The following PARD3B variants were observed in gnomAD, a reference collection of about 807,000 sequenced individuals.
The protein encoded by PARD3B is partitioning defective 3 homolog B.
A neutral mutation model predicts 130.2 loss-of-function variants in PARD3B; 103 were observed. The ratio of observed to expected loss-of-function variants is 0.79; its 90% confidence interval spans 0.67 to 0.93. The LOEUF (loss-of-function observed/expected upper bound fraction) is 0.93. Ranked by LOEUF, PARD3B falls within the 40% of genes least tolerant of loss-of-function variation. PARD3B has a pLI of 0.00. For missense variants in PARD3B, 1,609 were observed against 1,499.2 expected (o/e 1.07, Z -1.21); for synonymous variants, 583 against 553.2 (o/e 1.05, Z -0.76).
intron 3 of PARD3B, among the ~76,000 whole-genome samples, chr2:204,998,324 A>C (rs1239870838): frequency 3.0e-5 from 1 of 33,396 alleles, no homozygotes; most frequent in Non-Finnish European, 5.3e-5. Context: ...ATATATATAT[A>C]TATATATATA....
chr2:205,342,323 G>A (rs2043573710), intron 18 of PARD3B, among the ~76,000 whole-genome samples: 1 of 152,172 alleles, frequency 6.6e-6, no homozygotes, highest in African/African-American at 2.4e-5. Context: ...AGTTTATACA[G>A]AAGGAGAATG....
intron 3 of PARD3B, among the ~76,000 whole-genome samples, chr2:204,973,902 AT>A (rs1245801325): frequency 1.3e-5 from 2 of 152,156 alleles, no homozygotes. Context: ...AGCCATCTCT[AT>A]TTTGCTTACC....
chr2:205,193,436 G>A (rs1559528767), intron 15 of PARD3B, 116 bp downstream of exon 15: 1 of 739,886 alleles, frequency 1.4e-6, no homozygotes, highest in Non-Finnish European at 2.3e-6. Context: ...GTCTGCAGAA[G>A]CCTGGAGGAA....
At chr2:204,587,575 A>T (rs1411289668) in intron 1 of PARD3B, among the ~76,000 whole-genome samples, 1 of 152,228 alleles carries the variant, frequency 6.6e-6, no homozygotes, top group Non-Finnish European at 1.5e-5. Context: ...TACCTCACTG[A>T]TTCTAAATTC....
At chr2:204,803,221 A>T (rs1424422388) in intron 2 of PARD3B, among the ~76,000 whole-genome samples, 1 of 150,070 alleles carries the variant, frequency 6.7e-6, no homozygotes, top group Non-Finnish European at 1.5e-5. Context: ...TCCTTCAAAC[A>T]TGAAGGAGAA....
At position 205,102,892 on chromosome 2, in the gene PARD3B, A is replaced by G. The variant is rs371619342; in HGVS notation, c.505-1534A>G. Among the ~76,000 whole-genome samples, 630 of 151,884 alleles carry G rather than the reference A, an allele frequency of 4.1e-3. 1 individual carries two copies. Among genetic ancestry groups the G allele is most frequent in the South Asian group, 8.9e-3 (43 of 4,810 alleles). On this transcript the variant is annotated intron_variant, in intron 4 of 22. Transcript: ENST00000406610. The stretch of plus-strand genomic sequence containing the variant: ...ATCCTGGCTAACACGGTGAAGCCCC[A>G]TCTCTACTAAAAATACAAAAGCAAA...
At chr2:204,657,079 T>C (rs62177800) in intron 1 of PARD3B, among the ~76,000 whole-genome samples, 2,621 of 152,332 alleles carry the variant, frequency 0.017, 51 homozygotes, top group Middle Eastern at 0.034. Flanking sequence ...TGAAGAGTTC[T>C]AGGCCATACT....
intron 2 of PARD3B, among the ~76,000 whole-genome samples, chr2:204,798,282 C>T (rs2042444677): frequency 6.6e-6 from 1 of 152,134 alleles, no homozygotes; most frequent in Non-Finnish European, 1.5e-5. Context: ...CGTTGGAACT[C>T]AGTGCTGCCT....
intron 2 of PARD3B, among the ~76,000 whole-genome samples, chr2:204,916,390 G>GT (rs2047446583): frequency 6.6e-6 from 1 of 151,964 alleles, no homozygotes; most frequent in South Asian, 2.1e-4. Context: ...ATTTTGTGTT[G>GT]TATTAACAAA....
At chr2:204,644,657 A>G (rs1458145959) in intron 1 of PARD3B, among the ~76,000 whole-genome samples, 1 of 152,110 alleles carries the variant, frequency 6.6e-6, no homozygotes, top group Non-Finnish European at 1.5e-5. Context: ...ATAAAAGAAA[A>G]TGTGTGTGGG....
At chr2:205,390,634 A>G (rs2045824704) in intron 18 of PARD3B, among the ~76,000 whole-genome samples, 1 of 152,202 alleles carries the variant, frequency 6.6e-6, no homozygotes, top group South Asian at 2.1e-4. Context: ...GATGAATTCC[A>G]TAGAAAATGT....
intron 1 of PARD3B, among the ~76,000 whole-genome samples, chr2:204,665,800 A>G (rs1226146044): frequency 6.6e-6 from 1 of 152,244 alleles, no homozygotes; most frequent in Non-Finnish European, 1.5e-5. Context: ...TAACATAGGC[A>G]TCGATTAGCG....
intron 18 of PARD3B, among the ~76,000 whole-genome samples, chr2:205,303,580 C>T (rs2042087547): frequency 1.3e-5 from 2 of 152,124 alleles, no homozygotes; most frequent in Non-Finnish European, 1.5e-5. Context: ...AGCTTGTTCC[C>T]ACTGTACCGC....
intron 18 of PARD3B, among the ~76,000 whole-genome samples, chr2:205,392,132 A>G (rs1427993630): frequency 6.6e-6 from 1 of 151,970 alleles, no homozygotes; most frequent in Non-Finnish European, 1.5e-5. Context: ...GCCCCTCGGT[A>G]TGGGGAAAGC....
intron 15 of PARD3B, among the ~76,000 whole-genome samples, chr2:205,202,220 T>C (rs1034593521): frequency 6.6e-6 from 1 of 152,204 alleles, no homozygotes; most frequent in African/African-American, 2.4e-5. Context: ...TATAGATCAC[T>C]ATAATATAAC....
At chr2:205,545,758 C>T (rs572864500) in intron 21 of PARD3B, among the ~76,000 whole-genome samples, 5 of 152,268 alleles carry the variant, frequency 3.3e-5, no homozygotes, top group African/African-American at 9.6e-5. Flanking sequence ...TTCCGCTTTT[C>T]ATCAGCAGAC....
At chr2:205,204,218 T>C (rs2037156440) in intron 15 of PARD3B, among the ~76,000 whole-genome samples, 1 of 152,254 alleles carries the variant, frequency 6.6e-6, no homozygotes, top group South Asian at 2.1e-4. Flanking sequence ...GATGAGCTTT[T>C]CTTCATATGT....
intron 3 of PARD3B, among the ~76,000 whole-genome samples, chr2:204,998,867 A>C (rs541841522): frequency 2.0e-4 from 30 of 152,170 alleles, no homozygotes; most frequent in African/African-American, 7.2e-4. Flanking sequence ...GCATGCGCCA[A>C]CACGCCCAGC....
Position 204,747,616 on chromosome 2 carries a change from C to T in PARD3B, c.222+61334C>T, listed in dbSNP as rs146203798. 4.5e-4 allele frequency among the ~76,000 whole-genome samples: 69 copies of T among 152,118 alleles called. 2 individuals are homozygous for T. In the East Asian group the frequency reaches 0.011, roughly 23 times the overall value. ...GGAACCAAAAAAAGAGCCCACATTG[C>T]GAAGGTGATCCTATGCCAAAAGTAC... On this transcript the variant is annotated intron_variant, in intron 2 of 22. Coordinates refer to ENST00000406610, the MANE Select transcript of PARD3B (RefSeq NM_001302769.2).
Sources: allele counts gnomAD v4.1 joint callset (sites outside exome capture counted in the v4.1 genomes callset), GRCh38; gene constraint gnomAD v4.1.1; transcripts MANE v1.5; gene names NCBI Gene and HGNC (gene_info 2026-07-23, HGNC 2026-07-21).